The following MAP1LC3A variants were observed in gnomAD, a reference collection of about 807,000 sequenced individuals.
MAP1LC3A encodes the protein microtubule-associated protein 1 light chain 3 alpha.
MAP1LC3A carries 10 observed loss-of-function variants against 15.2 expected under a neutral mutation model. That is an observed-to-expected ratio of 0.66 (90% CI 0.41 to 1.12). The LOEUF is 1.12. Ranked by LOEUF, MAP1LC3A falls within the 50% of genes most tolerant of loss-of-function variation. The pLI, the probability that MAP1LC3A is intolerant of heterozygous loss-of-function variation, is 0.00. For synonymous variants in MAP1LC3A, 63 were observed against 64.3 expected, an observed-to-expected ratio of 0.98 and a Z score of 0.10; for missense variants, 138 against 167.3, an observed-to-expected ratio of 0.82 and a Z score of 0.97.
In MAP1LC3A at chr20:34,559,721, T is replaced by C. The variant is rs1982359276; in HGVS notation, c.204-15T>C. On this transcript the variant is annotated splice_polypyrimidine_tract_variant and intron_variant, in intron 3 of 3. Transcript: ENST00000360668. ...CCAAGCCCCTCACAGCTGCATACTC[T>C]CCCGCCGGCTGCAGGCGCCGCCTGC... is the stretch of plus-strand genomic sequence containing the variant. The C allele has an allele frequency of 1.9e-6, 3 of 1,594,096 alleles. No homozygotes were observed. The highest frequency in any genetic ancestry group is 2.6e-6 in the Non-Finnish European group (3 of 1,173,646).
intron 1 of MAP1LC3A, among the ~76,000 whole-genome samples, chr20:34,549,197 T>C (rs867170174): frequency 6.6e-6 from 1 of 152,050 alleles, no homozygotes; most frequent in Non-Finnish European, 1.5e-5. Context: ...GGCTAATTTT[T>C]GTATTTTTAG....
Position 34,559,458 on chromosome 20 carries a change from G to T in MAP1LC3A, c.203+5G>T, listed in dbSNP as rs1251141770. On this transcript the variant is annotated splice_donor_5th_base_variant and intron_variant, in intron 3 of 3. Coordinates refer to ENST00000360668, the MANE Select transcript of MAP1LC3A (RefSeq NM_032514.4). Reference sequence around the variant, plus strand: ...CGAGTTGGTCAAGATCATCCGGTGCGTGGGCAGCCGCCGCCAGGAGGTGGC... The same window carrying T: ...CGAGTTGGTCAAGATCATCCGGTGCTTGGGCAGCCGCCGCCAGGAGGTGGC... 6.2e-7 allele frequency: 1 copy of T among 1,610,052 alleles called. No homozygotes were observed. The highest frequency in any genetic ancestry group is 8.5e-7 in the Non-Finnish European group (1 of 1,178,258).
At position 34,558,834 on chromosome 20, in the gene MAP1LC3A, G is replaced by C. The variant is rs1284268141; in HGVS notation, c.-35G>C. 4.9e-6 allele frequency: 7 copies of C among 1,428,978 alleles called. No homozygotes were observed. The highest frequency in any genetic ancestry group is 3.1e-5 in the East Asian group (1 of 32,724). 88.5% of individuals were successfully genotyped at this position (1,428,978 alleles called of 1,614,324 possible). ...ACCGCAGACACATCCCCGCGCCCCAGAGCCCCGGCCTGCGCGCCCAGCCGG... is the reference window on the plus strand; with the variant it reads ...ACCGCAGACACATCCCCGCGCCCCACAGCCCCGGCCTGCGCGCCCAGCCGG... On this transcript the variant is annotated 5_prime_UTR_variant, in exon 1 of 4. Coordinates refer to ENST00000360668, the MANE Select transcript of MAP1LC3A (RefSeq NM_032514.4). This position sits in a 1 kb window ranked among gnomAD's most constrained non-coding sequence, Gnocchi z 4.3.
intron 2 of MAP1LC3A, 29 bp downstream of exon 2, chr20:34,559,292 G>T: frequency 5.7e-6 from 4 of 706,924 alleles, no homozygotes; most frequent in Non-Finnish European, 6.0e-6. Flanking sequence ...GCCCTGCCCC[G>T]CCCCCGCCTC....
rs999532703 is a variant in MAP1LC3A, at chr20:34,560,144, C to G, written c.*246C>G. ...AGGGTGGGGAGCAGCTCCCAGCACC[C>G]CTGCTGTGTGGTTCATCTTTTTTTT... On this transcript the variant is annotated 3_prime_UTR_variant, in exon 4 of 4. Transcript: ENST00000360668. 7.5e-5 allele frequency: 30 copies of G among 402,432 alleles called. No individual in the cohort carries two copies. The highest frequency in any genetic ancestry group is 5.7e-4 in the African/African-American group (27 of 47,200). The allele number at this position is 402,432 out of a possible 1,614,324, so 24.9% of individuals were successfully genotyped here.
chr20:34,558,728 C>A lies in MAP1LC3A; in HGVS notation c.-141C>A. The A allele has an allele frequency of 7.7e-7, 1 of 1,296,726 alleles. No individual in the cohort carries two copies. Among genetic ancestry groups the A allele is most frequent in the Non-Finnish European group, 9.7e-7 (1 of 1,026,034 alleles). 80.3% of individuals were successfully genotyped at this position (1,296,726 alleles called of 1,614,324 possible). On this transcript the variant is annotated 5_prime_UTR_variant, in exon 1 of 4. Coordinates refer to ENST00000360668, the MANE Select transcript of MAP1LC3A (RefSeq NM_032514.4). This position sits in a 1 kb window ranked among gnomAD's most constrained non-coding sequence, Gnocchi z 4.3. ...TGACCTGACGTCACCGGGCGAGTTA[C>A]CTCCCGCAGCCGCAGCCGCCGTGCT...
intron 2 of MAP1LC3A, among the ~76,000 whole-genome samples, chr20:34,552,224 C>T (rs1453808861): frequency 6.6e-6 from 1 of 152,200 alleles, no homozygotes; most frequent in Non-Finnish European, 1.5e-5. Context: ...TCTCAAATTC[C>T]TGACCTCAGG....
chr20:34,550,697 A>G lies in MAP1LC3A; in HGVS notation c.52+668A>G, dbSNP rs538215750. Among the ~76,000 whole-genome samples the G allele has an allele frequency of 7.9e-5, 12 of 152,324 alleles. No individual in the cohort carries two copies. The South Asian group carries it at 2.5e-3, about 32-fold the overall frequency. On this transcript the variant is annotated intron_variant, in intron 2 of 4. Transcript: ENST00000374837. ...ATCGCTGATGGGAGCACAAAATGGA[A>G]CAGCACTGAAGAGAGGCCTGGCCAC...
chr20:34,554,335 C>T (rs1982060097), upstream of MAP1LC3A, among the ~76,000 whole-genome samples: 1 of 133,222 alleles, frequency 7.5e-6, no homozygotes, highest in Non-Finnish European at 1.6e-5. Context: ...CCTTTAAGTA[C>T]ATGTTTACTA....
chr20:34,559,674 C>T, intron 3 of MAP1LC3A, 62 bp from the exon 4 acceptor site: 7 of 1,515,418 alleles, frequency 4.6e-6, no homozygotes, highest in Non-Finnish European at 8.9e-7. Flanking sequence ...TTCTGGGGGT[C>T]AGGGCTATGT....
Position 34,559,795 on chromosome 20 carries a change from T to C in MAP1LC3A, c.263T>C (p.Met88Thr), listed in dbSNP as rs1356004990. The change falls in exon 4 of 4, where the codon ATG (methionine) becomes ACG (threonine). Residue 88 changes from methionine (M) to threonine (T), a missense_variant. Met to Thr is a moderately conservative substitution (Grantham distance 81). Transcript: ENST00000360668. ...AFFLLVNQHS[M>T]VSVSTPIADI... ...TTCCTGCTGGTGAACCAGCACAGCA[T>C]GGTGAGTGTGTCCACGCCCATCGCG... 1 of 1,604,134 alleles carries C rather than the reference T, an allele frequency of 6.2e-7. No homozygotes were observed. Among genetic ancestry groups the C allele is most frequent in the Non-Finnish European group, 8.5e-7 (1 of 1,174,396 alleles).
At chr20:34,551,236 A>C (rs1281120674) in intron 2 of MAP1LC3A, among the ~76,000 whole-genome samples, 2 of 149,296 alleles carry the variant, frequency 1.3e-5, no homozygotes, top group East Asian at 4.0e-4. Flanking sequence ...TGGGTGACAG[A>C]CTCTGTCTCA....
chr20:34,548,797 C>T (rs1981837113), intron 1 of MAP1LC3A, among the ~76,000 whole-genome samples: 1 of 152,080 alleles, frequency 6.6e-6, no homozygotes, highest in Admixed American at 6.6e-5. Context: ...CCTCCGCCTC[C>T]CGGGTTCAAG....
intron 3 of MAP1LC3A, 102 bp from the exon 4 acceptor site, chr20:34,559,634 G>T: frequency 7.4e-7 from 1 of 1,349,418 alleles, no homozygotes; most frequent in Non-Finnish European, 1.0e-6. Context: ...GACAGCTGGG[G>T]TGAGAATGGG....
chr20:34,555,846 CTTT>C (rs536070432), upstream of MAP1LC3A, among the ~76,000 whole-genome samples: 25 of 130,464 alleles, frequency 1.9e-4, no homozygotes, highest in African/African-American at 1.4e-4. Flanking sequence ...AGTTTTCTTT[CTTT>C]TTTTTTTTTT....
At chr20:34,557,245 C>A (rs1982194724), upstream of MAP1LC3A, among the ~76,000 whole-genome samples, 1 of 152,186 alleles carries the variant, frequency 6.6e-6, no homozygotes, top group Non-Finnish European at 1.5e-5. Flanking sequence ...TATATATTTA[C>A]CATCCCTTTT....
At position 34,558,759 on chromosome 20, in the gene MAP1LC3A, C is replaced by T. The variant is rs1223337851; in HGVS notation, c.-110C>T. The T allele has an allele frequency of 2.3e-6, 3 of 1,328,120 alleles. No homozygotes were observed. Among genetic ancestry groups the T allele is most frequent in the Admixed American group, 4.2e-5 (1 of 23,906 alleles). 82.3% of individuals were successfully genotyped at this position (1,328,120 alleles called of 1,614,324 possible). Reference sequence around the variant, plus strand: ...GCAGCCGCAGCCGCCGTGCTCAGCGCGAGCCCCGGAGCCCTTGAGCGCGAG... The same window carrying T: ...GCAGCCGCAGCCGCCGTGCTCAGCGTGAGCCCCGGAGCCCTTGAGCGCGAG... On this transcript the variant is annotated 5_prime_UTR_variant, in exon 1 of 4. Transcript: ENST00000360668. This position sits in a 1 kb window ranked among gnomAD's most constrained non-coding sequence, Gnocchi z 4.3.
exon 2 of MAP1LC3A, chr20:34,549,996 A>G: frequency 6.2e-7 from 1 of 1,614,194 alleles, no homozygotes; most frequent in East Asian, 2.2e-5. Flanking sequence ...GAGATTCTTC[A>G]GTTCTCCATG....
At chr20:34,554,354 GTTTTTTTTTTTTTTTTTTTT>G (rs537779341), upstream of MAP1LC3A, among the ~76,000 whole-genome samples, 829 of 106,152 alleles carry the variant, frequency 7.8e-3, 17 homozygotes, top group African/African-American at 0.031. Context: ...TATACGTTGG[GTTTTTTTTTTTTTTTTTTTT>G]TTTTTTTTTT....
Sources: gnomAD v4.1 joint callset for allele counts (sites outside exome capture counted in the v4.1 genomes callset) on GRCh38, gnomAD v4.1.1 for gene constraint, Gnocchi (gnomAD v3.1) non-coding constraint, MANE v1.5 for transcripts, NCBI Gene and HGNC (gene_info 2026-07-23, HGNC 2026-07-21) for gene names.